RETREG3: variants seen among roughly 807,000 people sequenced by gnomAD.
RETREG3 encodes the protein reticulophagy regulator 3.
Under a neutral mutation model 50.2 loss-of-function variants are expected in RETREG3, and 23 were observed. The observed-to-expected ratio is 0.46, with a 90% CI of 0.33 to 0.65. The LOEUF (loss-of-function observed/expected upper bound fraction) is 0.65. RETREG3 is among the 30% of genes least tolerant of loss of function. The probability of loss-of-function intolerance (pLI) is 0.02; values close to 1 mark genes in which losing one functional copy is unlikely to be tolerated. For missense variants in RETREG3, 546 were observed against 598.0 expected (o/e 0.91, Z 0.91); for synonymous variants, 240 against 234.4 (o/e 1.02, Z -0.22).
intron 1 of RETREG3, 171 bp downstream of exon 1, chr17:42,608,915 C>G (rs2093173604): frequency 6.2e-6 from 4 of 645,094 alleles, no homozygotes; most frequent in Non-Finnish European, 1.1e-5. Context: ...CTGGGAAGAA[C>G]TAGGGTGCCG....
In RETREG3 at chr17:42,584,842, C is replaced by T. The variant is rs376802585; in HGVS notation, c.727+283G>A. On this transcript the variant is annotated intron_variant, in intron 6 of 8. Transcript: ENST00000309428. ...AAAAAAAAAAAAAAAAAAAAACAAA[C>T]CACAAATACTAGGAATTTATCTTCA... Among the ~76,000 whole-genome samples, 1,316 of 144,156 alleles carry T rather than the reference C, an allele frequency of 9.1e-3. 9 individuals are homozygous for T. The highest frequency in any genetic ancestry group is 0.031 in the African/African-American group (1,231 of 39,164). 94.6% of individuals were successfully genotyped at this position (144,156 alleles called of 152,430 possible). A position where few individuals can be genotyped will look rare whatever the true frequency, so the allele number is the denominator to read the frequency against.
At chr17:42,607,571 G>C (rs141643146) in intron 1 of RETREG3, among the ~76,000 whole-genome samples, 6,611 of 147,484 alleles carry the variant, frequency 0.045, 520 homozygotes, top group African/African-American at 0.16. Context: ...TTGGGAGGCC[G>C]AGGCAGGCAG....
chr17:42,602,338 T>C (rs1004845351), intron 1 of RETREG3, among the ~76,000 whole-genome samples: 2 of 149,842 alleles, frequency 1.3e-5, no homozygotes, highest in Non-Finnish European at 3.0e-5. Context: ...AGTAAGAAAA[T>C]AGCTTTATTG....
intron 1 of RETREG3, among the ~76,000 whole-genome samples, chr17:42,596,058 G>A (rs141473882): frequency 2.0e-5 from 3 of 151,990 alleles, no homozygotes; most frequent in Admixed American, 6.5e-5. Flanking sequence ...AAGTTCTCAC[G>A]CTCATTATCG....
chr17:42,585,435 G>A (rs566404012), intron 5 of RETREG3, among the ~76,000 whole-genome samples, 173 bp from the exon 6 acceptor site: 49 of 152,322 alleles, frequency 3.2e-4, no homozygotes, highest in Middle Eastern at 3.4e-3. Flanking sequence ...AGTCTTTGAG[G>A]GCAGGGACTT....
rs1165742841 is a variant in RETREG3, at chr17:42,581,949, G to A, written c.1265C>T (p.Pro422Leu). ...GASQPGPSGA[P>L]AQRATRGFLR... Reference sequence around the variant, plus strand: ...GAAGCCTCTCGTTGCTCTCTGGGCAGGTGCTCCAGAAGGGCCTGGTTGGGA... The same window carrying A: ...GAAGCCTCTCGTTGCTCTCTGGGCAAGTGCTCCAGAAGGGCCTGGTTGGGA... Residue 422 changes from proline to leucine, a missense_variant, in exon 9 of 9, where the codon CCT becomes CTT. Transcript: ENST00000309428. 1 of 1,614,164 alleles carries A rather than the reference G, an allele frequency of 6.2e-7. No homozygotes were observed. Among genetic ancestry groups the A allele is most frequent in the South Asian group, 1.1e-5 (1 of 91,086 alleles).
At chr17:42,606,866 G>A (rs945364009) in intron 1 of RETREG3, among the ~76,000 whole-genome samples, 3 of 151,894 alleles carry the variant, frequency 2.0e-5, no homozygotes, top group African/African-American at 7.3e-5. Flanking sequence ...CATTGGTGGC[G>A]CATGCCTGTA....
intron 3 of RETREG3, chr17:42,587,094 A>G: frequency 8.0e-6 from 5 of 626,368 alleles, no homozygotes; most frequent in Non-Finnish European, 1.3e-5. Context: ...ACTTGTTCTG[A>G]CAACTCCACC....
intron 1 of RETREG3, among the ~76,000 whole-genome samples, chr17:42,601,842 C>G (rs949463460): frequency 2.0e-5 from 3 of 151,582 alleles, no homozygotes; most frequent in African/African-American, 7.3e-5. Flanking sequence ...CATTGTTGGT[C>G]AGGCTGGTCT....
intron 1 of RETREG3, among the ~76,000 whole-genome samples, chr17:42,606,368 C>T (rs534233719): frequency 6.6e-6 from 1 of 152,114 alleles, no homozygotes; most frequent in Non-Finnish European, 1.5e-5. Context: ...AGGTCCCCTC[C>T]TCGCAGATCA....
intron 1 of RETREG3, among the ~76,000 whole-genome samples, chr17:42,602,889 G>C (rs529091283): frequency 6.6e-6 from 1 of 152,042 alleles, no homozygotes; most frequent in East Asian, 1.9e-4. Flanking sequence ...GTTGCAATAA[G>C]CCATGATCAC....
At chr17:42,588,847 G>A (rs1288265017) in intron 2 of RETREG3, among the ~76,000 whole-genome samples, 1 of 152,112 alleles carries the variant, frequency 6.6e-6, no homozygotes, top group Non-Finnish European at 1.5e-5. Context: ...AGTAGAGACA[G>A]GTTTTTGCTA....
At chr17:42,607,499 C>CAAA (rs34542887) in intron 1 of RETREG3, among the ~76,000 whole-genome samples, 1,353 of 46,562 alleles carry the variant, frequency 0.029, 125 homozygotes, top group Non-Finnish European at 0.035. Context: ...GACCTTGTCT[C>CAAA]AAAAAAAAAA....
intron 1 of RETREG3, 146 bp from the exon 2 acceptor site, chr17:42,592,308 G>A: frequency 1.7e-6 from 1 of 603,068 alleles, no homozygotes; most frequent in East Asian, 2.8e-5. Context: ...ATACACCTAG[G>A]GTAAATCATT....
At position 42,592,124 on chromosome 17, in the gene RETREG3, A is replaced by T. The variant is rs1270714964; in HGVS notation, c.278T>A (p.Leu93His). 6.2e-7 allele frequency: 1 copy of T among 1,614,020 alleles called. No individual in the cohort carries two copies. Among genetic ancestry groups the T allele is most frequent in the East Asian group, 2.2e-5 (1 of 44,882 alleles). Residue 93 changes from leucine (L) to histidine (H), a missense_variant, in exon 2 of 9, where the codon CTT becomes CAT. Coordinates refer to ENST00000309428, the MANE Select transcript of RETREG3 (RefSeq NM_178126.4). ...CACAATGATCATCAAGCCAAATGCA[A>T]GTAAAAACACAAGACGAAGAGATGT... ...ALTSLRLVFLLAFGLMIIVCI... is the reference protein window; with the variant it reads ...ALTSLRLVFLHAFGLMIIVCI...
intron 1 of RETREG3, chr17:42,599,176 G>A (rs2093153866): frequency 1.3e-5 from 2 of 152,242 alleles, no homozygotes; most frequent in Non-Finnish European, 2.9e-5. Flanking sequence ...TGGGGAGCAA[G>A]AAACCCTAGA....
In RETREG3 at chr17:42,581,952, G is replaced by A; in HGVS notation, c.1262C>T (p.Ala421Val). ...SGASQPGPSG[A>V]PAQRATRGFL... ...GCCTCTCGTTGCTCTCTGGGCAGGT[G>A]CTCCAGAAGGGCCTGGTTGGGAGGC... The change falls in exon 9 of 9, where the codon GCA (alanine) becomes GTA (valine). Residue 421 changes from alanine (A) to valine (V), a missense_variant. Coordinates refer to ENST00000309428, the MANE Select transcript of RETREG3 (RefSeq NM_178126.4). The A allele has an allele frequency of 6.2e-7, 1 of 1,614,148 alleles. No individual in the cohort carries two copies. Among genetic ancestry groups the A allele is most frequent in the Non-Finnish European group, 8.5e-7 (1 of 1,180,038 alleles).
rs573628418 is a variant in RETREG3, at chr17:42,595,989, T to G, written c.240-3827A>C. On this transcript the variant is annotated intron_variant, in intron 1 of 8. Transcript: ENST00000309428. ...AGGCTATCACAGTCCCCAAACTGAATAATTCATGTGTGAATTTCCAGAGTT... is the reference window on the plus strand; with the variant it reads ...AGGCTATCACAGTCCCCAAACTGAAGAATTCATGTGTGAATTTCCAGAGTT... 1.4e-4 allele frequency among the ~76,000 whole-genome samples: 21 copies of G among 152,222 alleles called. No homozygotes were observed. In the South Asian group the frequency reaches 4.4e-3, roughly 32 times the overall value.
intron 6 of RETREG3, 37 bp from the exon 7 acceptor site, chr17:42,583,617 TC>T: frequency 1.3e-6 from 2 of 1,594,492 alleles, no homozygotes; most frequent in African/African-American, 1.3e-5. Context: ...TGATACCTTC[TC>T]CCAGCGTAAA....
Sources: allele counts gnomAD v4.1 joint callset (sites outside exome capture counted in the v4.1 genomes callset), GRCh38; gene constraint gnomAD v4.1.1; transcripts MANE v1.5; gene names NCBI Gene and HGNC (gene_info 2026-07-23, HGNC 2026-07-21).